The following OTOGL variants were observed in gnomAD, a reference collection of about 807,000 sequenced individuals.
The protein encoded by OTOGL is otogelin like.
A neutral mutation model predicts 318.5 loss-of-function variants in OTOGL; 285 were observed. The observed-to-expected ratio is 0.89, with a 90% CI of 0.81 to 0.99. The LOEUF (loss-of-function observed/expected upper bound fraction) is 0.99. Among genes scored for constraint, OTOGL ranks in the 50% least tolerant of loss-of-function variants. The pLI, the probability that OTOGL is intolerant of heterozygous loss-of-function variation, is 0.00. For missense variants in OTOGL, 2,899 were observed against 2,845.6 expected (o/e 1.02, Z -0.43); for synonymous variants, 987 against 936.5 (o/e 1.05, Z -0.99).
intron 34 of OTOGL, among the ~76,000 whole-genome samples, chr12:80,323,350 A>C (rs2137846349): frequency 6.6e-6 from 1 of 152,264 alleles, no homozygotes; most frequent in South Asian, 2.1e-4. Flanking sequence ...GGTTCATATA[A>C]GAAACTGTTA....
intron 1 of OTOGL, among the ~76,000 whole-genome samples, chr12:80,167,711 T>C (rs1565885883): frequency 6.6e-6 from 1 of 152,136 alleles, no homozygotes; most frequent in Non-Finnish European, 1.5e-5. Flanking sequence ...TGGTGAAGCA[T>C]AACTTCACAC....
intron 46 of OTOGL, among the ~76,000 whole-genome samples, chr12:80,355,385 G>T (rs768198845): frequency 6.6e-6 from 1 of 151,136 alleles, no homozygotes; most frequent in African/African-American, 2.4e-5. Context: ...ACTACACTTC[G>T]CTAATTATTT....
intron 24 of OTOGL, among the ~76,000 whole-genome samples, chr12:80,273,133 C>T (rs1336664295): frequency 6.6e-6 from 1 of 152,016 alleles, no homozygotes; most frequent in Non-Finnish European, 1.5e-5. Flanking sequence ...AATCTCATTA[C>T]AAAACGTTAA....
chr12:80,164,267 A>G (rs139100804), intron 1 of OTOGL, among the ~76,000 whole-genome samples: 714 of 152,264 alleles, frequency 4.7e-3, no homozygotes, highest in Non-Finnish European at 7.7e-3. Context: ...TCAAGGTACT[A>G]TTTCAGGGTA....
intron 1 of OTOGL, among the ~76,000 whole-genome samples, chr12:80,120,401 TA>T (rs1045007024): frequency 9.2e-5 from 14 of 151,970 alleles, no homozygotes; most frequent in South Asian, 2.1e-4. Flanking sequence ...CATAAAGGAT[TA>T]AAAAAAAGTT....
At chr12:80,347,009 G>A (rs1020676124) in intron 44 of OTOGL, among the ~76,000 whole-genome samples, 2 of 152,070 alleles carry the variant, frequency 1.3e-5, no homozygotes, top group Non-Finnish European at 2.9e-5. Context: ...CAATATCCAT[G>A]CATTTCTTCC....
chr12:80,124,156 T>G (rs1374734001), intron 1 of OTOGL, among the ~76,000 whole-genome samples: 1 of 152,164 alleles, frequency 6.6e-6, no homozygotes, highest in Non-Finnish European at 1.5e-5. Flanking sequence ...TCTTCTAGGG[T>G]TTTTATGGTT....
chr12:80,103,825 G>A (rs1448568714), intron 1 of OTOGL, among the ~76,000 whole-genome samples: 2 of 152,114 alleles, frequency 1.3e-5, no homozygotes, highest in South Asian at 2.1e-4. Context: ...AGAAAAATGG[G>A]CCTGTAATGA....
chr12:80,202,402 C>T (rs1876520831), intron 1 of OTOGL, among the ~76,000 whole-genome samples: 1 of 151,736 alleles, frequency 6.6e-6, no homozygotes, highest in Non-Finnish European at 1.5e-5. Flanking sequence ...TCCCGAGTAG[C>T]TGGGATTACA....
At chr12:80,235,952 T>C (rs1392036342) in intron 9 of OTOGL, among the ~76,000 whole-genome samples, 1 of 152,218 alleles carries the variant, frequency 6.6e-6, no homozygotes, top group Non-Finnish European at 1.5e-5. Flanking sequence ...ATGAGCAGTA[T>C]TACCTTTAGC....
rs1256942102 is a variant in OTOGL, at chr12:80,278,266, G to T, written c.2780G>T (p.Cys927Phe). 2 of 1,531,632 alleles carry T rather than the reference G, an allele frequency of 1.3e-6. No individual in the cohort carries two copies. The highest frequency in any genetic ancestry group is 1.8e-6 in the Non-Finnish European group (2 of 1,131,098). The allele number at this position is 1,531,632 out of a possible 1,614,324, so 94.9% of individuals were successfully genotyped here. The change falls in exon 25 of 59, where the codon TGT becomes TTT. Residue 927 changes from cysteine to phenylalanine, a missense_variant. Around this residue, in one of 3 missense-constraint regions of OTOGL, gnomAD observed 2,607 missense variants for 2,524.9 expected, o/e 1.03. Transcript: ENST00000547103. ...YLSGEVIATP[C>F]YTCVCRRGMF... ...TCAGGAGAAGTGATTGCTACACCGT[G>T]TTACACCTGGTAAGGAGATCCATTT... is the stretch of plus-strand genomic sequence containing the variant.
intron 1 of OTOGL, among the ~76,000 whole-genome samples, chr12:80,205,968 A>C (rs1490035763): frequency 6.6e-6 from 1 of 152,186 alleles, no homozygotes; most frequent in Non-Finnish European, 1.5e-5. Flanking sequence ...GTCAGGTGTC[A>C]CTTTCTAAAG....
chr12:80,310,909 A>G (rs1886595416), intron 30 of OTOGL, among the ~76,000 whole-genome samples, 182 bp downstream of exon 30: 2 of 152,204 alleles, frequency 1.3e-5, no homozygotes. Context: ...TAGTTGATTT[A>G]CTTTCTCCCT....
chr12:80,380,412 A>G lies in OTOGL; in HGVS notation c.*2364A>G, dbSNP rs1442767620. On this transcript the variant is annotated 3_prime_UTR_variant, in exon 59 of 59. Transcript: ENST00000547103. ...TGTATGTAAAGAACTCTTGAAAAAA[A>G]TAACAAAAGGAAAAAATTAACAACC... The G allele has an allele frequency of 6.6e-6, 1 of 152,084 alleles. No individual in the cohort carries two copies. Among genetic ancestry groups the G allele is most frequent in the Non-Finnish European group, 1.5e-5 (1 of 67,944 alleles). 9.4% of individuals were successfully genotyped at this position (152,084 alleles called of 1,614,324 possible). A position where few individuals can be genotyped will look rare whatever the true frequency, so the allele number is the denominator to read the frequency against.
rs182489983 is a variant in OTOGL at position 80,326,235 on chromosome 12, T to C, written c.4199+2395T>C. ...ATTGCAGTTTCTGGCACATAGCAAG[T>C]GTTTAGATAAAAATGTTTCATGAAA... On this transcript the variant is annotated intron_variant, in intron 35 of 58. Transcript: ENST00000547103. Among the ~76,000 whole-genome samples, 16 of 152,204 alleles carry C rather than the reference T, an allele frequency of 1.1e-4. No homozygotes were observed. In the East Asian group the frequency reaches 3.1e-3, roughly 29 times the overall value.
At chr12:80,193,394 T>A (rs1299085552) in intron 1 of OTOGL, among the ~76,000 whole-genome samples, 2 of 152,062 alleles carry the variant, frequency 1.3e-5, no homozygotes, top group Non-Finnish European at 2.9e-5. Flanking sequence ...TGCATGCCTG[T>A]AGTCCCAGTT....
intron 21 of OTOGL, 28 bp from the exon 22 acceptor site, chr12:80,267,225 C>A: frequency 7.1e-7 from 1 of 1,418,196 alleles, no homozygotes; most frequent in Non-Finnish European, 9.6e-7. Flanking sequence ...AAATTGTATC[C>A]TATTTACTTT....
In OTOGL at chr12:80,265,173, T is replaced by C; in HGVS notation, c.2187T>C (p.Gly729=). ...AHYAYLCGQH[G]VPIDFRTQIS... is the part of the protein sequence containing the mutation. ...ATGCCTACCTCTGCGGCCAGCACGG[T>C]GTTCCCATTGATTTCAGAACTCAGA... Residue 729 remains glycine, a synonymous_variant, in exon 20 of 59, where the codon GGT becomes GGC. Coordinates refer to ENST00000547103, the MANE Select transcript of OTOGL (RefSeq NM_001378609.3). 6.2e-7 allele frequency: 1 copy of C among 1,613,824 alleles called. No homozygotes were observed. The highest frequency in any genetic ancestry group is 8.5e-7 in the Non-Finnish European group (1 of 1,179,844).
In OTOGL at chr12:80,320,554, A is replaced by G. The variant is rs768575822; in HGVS notation, c.3935A>G (p.His1312Arg). 8 of 1,613,598 alleles carry G rather than the reference A, an allele frequency of 5.0e-6. No homozygotes were observed. The Admixed American group carries it at 8.3e-5, about 17-fold the overall frequency. Residue 1312 changes from histidine (H) to arginine (R), a missense_variant, in exon 34 of 59, where the codon CAT (histidine) becomes CGT (arginine). This residue lies in a region of OTOGL where 2,607 missense variants were observed against 2,524.9 expected (regional missense o/e 1.03). Transcript: ENST00000547103. ...CATCGGAGAGCAACATTTTTCCACC[A>G]TCAGGGCCTCTGGATTCCTGGTTAC... ...AFHRRATFFHHQGLWIPGYSA... is the reference protein window; with the variant it reads ...AFHRRATFFHRQGLWIPGYSA...
Sources: gnomAD v4.1 joint callset for allele counts (sites outside exome capture counted in the v4.1 genomes callset) on GRCh38, gnomAD v4.1.1 for gene constraint, gnomAD v4.1.1 regional missense constraint, MANE v1.5 for transcripts, NCBI Gene and HGNC (gene_info 2026-07-23, HGNC 2026-07-21) for gene names.